The following CSTPP1 variants were observed in gnomAD, a reference collection of about 807,000 sequenced individuals.
CSTPP1 encodes centriolar satellite-associated tubulin polyglutamylase complex regulator 1.
At chr11:47,161,370 C>T in the CSTPP1 span, 3 of 1,590,294 alleles carry the variant, frequency 1.9e-6, no homozygotes, top group African/African-American at 1.4e-5. Flanking sequence ...GGCTGCAGCC[C>T]AGGGGTTTAC....
the CSTPP1 span, among the ~76,000 whole-genome samples, chr11:47,080,441 T>C: frequency 6.6e-6 from 1 of 151,766 alleles, no homozygotes. Flanking sequence ...GGTGACAGAG[T>C]GAAACTCCGT....
the CSTPP1 span, among the ~76,000 whole-genome samples, chr11:46,997,961 G>C: frequency 1.3e-5 from 2 of 152,324 alleles, no homozygotes; most frequent in South Asian, 2.1e-4. Context: ...TGAAGTGTCA[G>C]TCGGCCCCTA....
chr11:47,093,033 G>A, the CSTPP1 span, among the ~76,000 whole-genome samples: 1 of 152,214 alleles, frequency 6.6e-6, no homozygotes, highest in Non-Finnish European at 1.5e-5. Context: ...TGAGTGTCAT[G>A]AAAGGTGATT....
the CSTPP1 span, among the ~76,000 whole-genome samples, chr11:47,125,970 T>C: frequency 3.7e-3 from 558 of 151,966 alleles, 2 homozygotes; most frequent in African/African-American, 0.013. Flanking sequence ...TGAGCTAAGA[T>C]TGTACCGCTG....
chr11:46,988,138 T>A, the CSTPP1 span, among the ~76,000 whole-genome samples: 1 of 152,162 alleles, frequency 6.6e-6, no homozygotes, highest in Non-Finnish European at 1.5e-5. Context: ...ATAACCACTG[T>A]GGAGAACAGT....
At chr11:47,107,110 G>A in the CSTPP1 span, among the ~76,000 whole-genome samples, 6 of 152,306 alleles carry the variant, frequency 3.9e-5, no homozygotes, top group East Asian at 5.8e-4. Flanking sequence ...GTGGAGCAGC[G>A]GATGGTGTGC....
At chr11:46,943,690 T>G in the CSTPP1 span, among the ~76,000 whole-genome samples, 3 of 152,188 alleles carry the variant, frequency 2.0e-5, no homozygotes, top group Admixed American at 6.6e-5. Context: ...AAGAAATCAC[T>G]TAACCTCTCT....
chr11:47,005,853 A>G, the CSTPP1 span, among the ~76,000 whole-genome samples: 3 of 152,362 alleles, frequency 2.0e-5, no homozygotes, highest in East Asian at 5.8e-4. Flanking sequence ...CTTAAGATAC[A>G]ATAAGTGTTG....
chr11:47,152,260 C>T, the CSTPP1 span, among the ~76,000 whole-genome samples: 49 of 152,022 alleles, frequency 3.2e-4, no homozygotes, highest in Non-Finnish European at 5.6e-4. Flanking sequence ...AAAAAAATGC[C>T]TCTATTGTTA....
At chr11:47,055,730 T>G in the CSTPP1 span, among the ~76,000 whole-genome samples, 3 of 152,234 alleles carry the variant, frequency 2.0e-5, no homozygotes, top group Non-Finnish European at 4.4e-5. Context: ...ATGTGCTATT[T>G]CTACTATTTT....
the CSTPP1 span, among the ~76,000 whole-genome samples, chr11:47,142,656 G>A: frequency 6.6e-6 from 1 of 152,066 alleles, no homozygotes. Context: ...ATGAGAGTGA[G>A]GCTTCAAAAT....
At chr11:47,099,969 A>G in the CSTPP1 span, among the ~76,000 whole-genome samples, 4 of 152,062 alleles carry the variant, frequency 2.6e-5, no homozygotes, top group African/African-American at 4.8e-5. Context: ...ACCTATTCCA[A>G]TTTGTATTTT....
the CSTPP1 span, among the ~76,000 whole-genome samples, chr11:46,993,777 T>A: frequency 6.6e-6 from 1 of 152,214 alleles, no homozygotes; most frequent in South Asian, 2.1e-4. Flanking sequence ...TTTGGTTCCA[T>A]ATGTACTTTA....
At chr11:47,057,072 T>G in the CSTPP1 span, among the ~76,000 whole-genome samples, 4 of 152,358 alleles carry the variant, frequency 2.6e-5, no homozygotes, top group Non-Finnish European at 5.9e-5. Flanking sequence ...ATATCTTTTC[T>G]GCATGACTGA....
chr11:47,107,912 G>T, the CSTPP1 span, among the ~76,000 whole-genome samples: 2 of 152,190 alleles, frequency 1.3e-5, no homozygotes, highest in Admixed American at 6.5e-5. Flanking sequence ...ACTGTACCTT[G>T]TTCCCCTGGC....
the CSTPP1 span, among the ~76,000 whole-genome samples, chr11:47,013,037 AAT>A: frequency 2.7e-5 from 4 of 147,198 alleles, no homozygotes; most frequent in African/African-American, 7.4e-5. Context: ...TATATATAAT[AAT>A]ATGTTATTAT....
the CSTPP1 span, among the ~76,000 whole-genome samples, chr11:47,121,709 C>T: frequency 6.6e-5 from 10 of 152,050 alleles, no homozygotes; most frequent in African/African-American, 9.7e-5. Flanking sequence ...CCTGCCCTTC[C>T]GCTCTGCCAC....
At chr11:47,077,608 T>A in the CSTPP1 span, among the ~76,000 whole-genome samples, 1 of 152,212 alleles carries the variant, frequency 6.6e-6, no homozygotes, top group African/African-American at 2.4e-5. Flanking sequence ...AGAATAAGTT[T>A]AGGAAGATGA....
the CSTPP1 span, among the ~76,000 whole-genome samples, chr11:47,148,452 C>G: frequency 6.6e-6 from 1 of 152,158 alleles, no homozygotes; most frequent in East Asian, 1.9e-4. Context: ...CTCCAGCCAC[C>G]ACATGACTGA....
Sources: allele counts gnomAD v4.1 joint callset (sites outside exome capture counted in the v4.1 genomes callset), GRCh38; gene constraint gnomAD v4.1.1; transcripts MANE v1.5; gene names NCBI Gene and HGNC (gene_info 2026-07-23, HGNC 2026-07-21).